Variants in SOCS6 observed in about 807,000 individuals in gnomAD.
SOCS6 encodes STAT induced STAT inhibitor-4.
Under a neutral mutation model 27.7 loss-of-function variants are expected in SOCS6, and 5 were observed. The ratio of observed to expected loss-of-function variants is 0.18; its 90% CI spans 0.09 to 0.38. The LOEUF is 0.38. Among genes scored for constraint, SOCS6 ranks in the 10% least tolerant of loss-of-function variants. The pLI is 1.00. For missense variants in SOCS6, 595 were observed against 688.1 expected (o/e 0.86, Z 1.51); for synonymous variants, 271 against 260.0 (o/e 1.04, Z -0.41).
chr18:70,313,302 A>G (rs2146283124), intron 1 of SOCS6, among the ~76,000 whole-genome samples: 1 of 152,172 alleles, frequency 6.6e-6, no homozygotes, highest in African/African-American at 2.4e-5. Flanking sequence ...TTATGTTACA[A>G]CATTAATCCT....
chr18:70,310,036 A>G (rs2062384291), intron 1 of SOCS6, among the ~76,000 whole-genome samples: 2 of 152,336 alleles, frequency 1.3e-5, no homozygotes, highest in South Asian at 2.1e-4. Flanking sequence ...TAACCTCAAC[A>G]CTACTGTTAA....
intron 1 of SOCS6, chr18:70,314,066 G>A (rs1293569439): frequency 6.6e-6 from 1 of 151,968 alleles, no homozygotes; most frequent in Non-Finnish European, 1.5e-5. Context: ...CTTTTATTAT[G>A]TTTTCTTATC....
At chr18:70,293,509 T>G (rs948521091) in intron 1 of SOCS6, among the ~76,000 whole-genome samples, 2 of 152,190 alleles carry the variant, frequency 1.3e-5, no homozygotes, top group African/African-American at 4.8e-5. Flanking sequence ...TTTCTCCTGC[T>G]TACATAGCTT....
chr18:70,296,099 T>C lies in SOCS6; in HGVS notation c.-127+7009T>C, dbSNP rs530728684. Among the ~76,000 whole-genome samples the C allele has an allele frequency of 2.0e-5, 3 of 152,148 alleles. No homozygotes were observed. In the East Asian group the frequency reaches 5.8e-4, roughly 29 times the overall value. On this transcript the variant is annotated intron_variant, in intron 1 of 1. Transcript: ENST00000397942. The stretch of plus-strand genomic sequence containing the variant: ...ATTCTTTTCTCCTTCCCAAGTGGGG[T>C]TCCTTGTTTTCAGTTCCTTAGTTTA...
chr18:70,326,084 T>C lies in SOCS6; in HGVS notation c.1416T>C (p.Tyr472=). 2.5e-6 allele frequency: 4 copies of C among 1,614,232 alleles called. No homozygotes were observed. Among genetic ancestry groups the C allele is most frequent in the Non-Finnish European group, 3.4e-6 (4 of 1,180,030 alleles). ...ACTCTGAAAATGGAGCTTTTTGTTA[T>C]TCAAGGTCTCGGCTGCCTGGATCTG... is the stretch of plus-strand genomic sequence containing the variant. ...IRDSENGAFC[Y]SRSRLPGSAT... The change falls in exon 2 of 2, where the codon TAT becomes TAC. Residue 472 remains tyrosine, a synonymous_variant. Transcript: ENST00000397942.
chr18:70,312,854 A>T (rs962727530), intron 1 of SOCS6, among the ~76,000 whole-genome samples: 2 of 147,808 alleles, frequency 1.4e-5, no homozygotes, highest in Non-Finnish European at 3.0e-5. Context: ...GCTCACTGCA[A>T]ACTCCGCCTC....
intron 1 of SOCS6, among the ~76,000 whole-genome samples, chr18:70,319,608 TAAAAA>T (rs34494275): frequency 0.05 from 6,354 of 126,304 alleles, 468 homozygotes; most frequent in African/African-American, 0.17. Context: ...AGCACTTCAG[TAAAAA>T]AAAAAAAAAA....
intron 1 of SOCS6, chr18:70,314,228 C>T (rs1254024985): frequency 6.6e-6 from 1 of 152,030 alleles, no homozygotes; most frequent in Non-Finnish European, 1.5e-5. Context: ...CACACTCCAG[C>T]CTGGGCGACA....
In SOCS6 at chr18:70,325,758, AGTG is replaced by A. The variant is rs1568606453; in HGVS notation, c.1093_1095del (p.Gly365del). ...AAGAGTTTATGACTCAGTGCAAAGT[AGTG>A]GTCCCATGGTTGTGACAAGCCTTAC... is the stretch of plus-strand genomic sequence containing the variant. On this transcript the variant is annotated inframe_deletion, in exon 2 of 2. Transcript: ENST00000397942. The surrounding 1 kb of genome is among the most constrained non-coding windows in gnomAD (Gnocchi z 6.3). 12 of 1,614,234 alleles carry A rather than the reference AGTG, an allele frequency of 7.4e-6. No homozygotes were observed. The highest frequency in any genetic ancestry group is 8.5e-6 in the Non-Finnish European group (10 of 1,180,036).
rs3809954 is a variant in SOCS6 at position 70,328,459 on chromosome 18, G to A, written c.*2183G>A. ...CCTTCGTTTTCTCATCATGCCATGT[G>A]TTTAAGATCTACCCGCTTAGTGTCA... is the stretch of plus-strand genomic sequence containing the variant. On this transcript the variant is annotated 3_prime_UTR_variant, in exon 2 of 2. Transcript: ENST00000397942. 1,155 of 166,526 alleles carry A rather than the reference G, an allele frequency of 6.9e-3. 27 individuals are homozygous for A. Among genetic ancestry groups the A allele is most frequent in the East Asian group, 0.064 (328 of 5,150 alleles). The allele number at this position is 166,526 out of a possible 1,614,324, so 10.3% of individuals were successfully genotyped here.
In SOCS6 at chr18:70,289,067, G is replaced by T. The variant is rs1488484346; in HGVS notation, c.-150G>T. The T allele has an allele frequency of 2.0e-5, 3 of 150,170 alleles. No homozygotes were observed. The highest frequency in any genetic ancestry group is 4.5e-5 in the Non-Finnish European group (3 of 67,388). The allele number at this position is 150,170 out of a possible 1,614,324, so 9.3% of individuals were successfully genotyped here. A position where few individuals can be genotyped will look rare whatever the true frequency, so the allele number is the denominator to read the frequency against. ...GGCAGTCGCGCCGGCGCTGGGCGAG[G>T]AAGCGGAGCCGGGCCGCCTCCGGGT... On this transcript the variant is annotated 5_prime_UTR_variant, in exon 1 of 2. Transcript: ENST00000397942.
chr18:70,306,477 C>CAA (rs55702216), intron 1 of SOCS6, among the ~76,000 whole-genome samples: 58 of 92,508 alleles, frequency 6.3e-4, no homozygotes, highest in Non-Finnish European at 6.9e-4. Context: ...GACTCCATCT[C>CAA]AAAAAAAAAA....
At chr18:70,320,033 C>G (rs1247554427) in intron 1 of SOCS6, among the ~76,000 whole-genome samples, 1 of 151,908 alleles carries the variant, frequency 6.6e-6, no homozygotes, top group Non-Finnish European at 1.5e-5. Context: ...TGCTTGTTGC[C>G]CAGGCTGGAG....
At chr18:70,314,436 T>C (rs150871044) in intron 1 of SOCS6, among the ~76,000 whole-genome samples, 2 of 152,268 alleles carry the variant, frequency 1.3e-5, no homozygotes, top group South Asian at 2.1e-4. Context: ...ATACCATATT[T>C]TTACTCTACC....
rs139690589 is a variant in SOCS6, at chr18:70,306,532, T to C, written c.-127+17442T>C. Among the ~76,000 whole-genome samples the C allele has an allele frequency of 9.1e-3, 1,376 of 151,768 alleles. 12 individuals are homozygous for C. The highest frequency in any genetic ancestry group is 0.034 in the Middle Eastern group (10 of 292). ...AGCCAAAAACTAAGATTGTGTCAAT[T>C]ATGAATAAAGATGGTTTTATTTCTT... On this transcript the variant is annotated intron_variant, in intron 1 of 1. Coordinates refer to ENST00000397942, the MANE Select transcript of SOCS6 (RefSeq NM_004232.4).
intron 1 of SOCS6, among the ~76,000 whole-genome samples, chr18:70,310,374 C>T (rs984961936): frequency 1.2e-4 from 18 of 151,330 alleles, no homozygotes; most frequent in African/African-American, 4.4e-4. Context: ...CCTTCCTTTC[C>T]AGGCTTGGGT....
chr18:70,315,620 T>C lies in SOCS6; in HGVS notation c.-126-8923T>C, dbSNP rs570452484. 2.0e-4 allele frequency among the ~76,000 whole-genome samples: 31 copies of C among 152,316 alleles called. No homozygotes were observed. In the East Asian group the frequency reaches 5.8e-3, roughly 28 times the overall value. Reference sequence around the variant, plus strand: ...TCTTGCATAATCAAAGAATCAACTCTTGTAATGTTTAATGCTGTTACTTTT... The same window carrying C: ...TCTTGCATAATCAAAGAATCAACTCCTGTAATGTTTAATGCTGTTACTTTT... On this transcript the variant is annotated intron_variant, in intron 1 of 1. Transcript: ENST00000397942.
rs1911276612 is a variant in SOCS6, at chr18:70,328,031, T to C, written c.*1755T>C. ...TACTTAATTTTGGTGGGATGTTGAT[T>C]GTACCTTGTTAAAAAGACTCTCATT... is the stretch of plus-strand genomic sequence containing the variant. On this transcript the variant is annotated 3_prime_UTR_variant, in exon 2 of 2. Coordinates refer to ENST00000397942, the MANE Select transcript of SOCS6 (RefSeq NM_004232.4). 6.0e-6 allele frequency: 1 copy of C among 167,022 alleles called. No homozygotes were observed. The highest frequency in any genetic ancestry group is 2.1e-4 in the South Asian group (1 of 4,832). 10.3% of individuals were successfully genotyped at this position (167,022 alleles called of 1,614,324 possible).
intron 1 of SOCS6, among the ~76,000 whole-genome samples, chr18:70,296,909 T>TC (rs61422197): frequency 6.7e-5 from 7 of 103,822 alleles, no homozygotes; most frequent in African/African-American, 1.6e-4. Flanking sequence ...TTTCTTTCTT[T>TC]TTTTTTTTTC....
Sources: gnomAD v4.1 joint callset for allele counts (sites outside exome capture counted in the v4.1 genomes callset) on GRCh38, gnomAD v4.1.1 for gene constraint, Gnocchi (gnomAD v3.1) non-coding constraint, MANE v1.5 for transcripts, NCBI Gene and HGNC (gene_info 2026-07-23, HGNC 2026-07-21) for gene names.